The following SV2B variants were observed in gnomAD, a reference collection of about 807,000 sequenced individuals.
SV2B encodes solute carrier family 22 member B2.
In SV2B, 41 loss-of-function variants were observed where a neutral mutation model predicts 73.9. That is an observed-to-expected ratio of 0.56 (90% CI 0.43 to 0.72). The LOEUF (loss-of-function observed/expected upper bound fraction) is 0.72. Ranked by LOEUF, SV2B falls within the 30% of genes least tolerant of loss-of-function variation. The probability of loss-of-function intolerance (pLI) is 0.00; values close to 1 mark genes in which losing one functional copy is unlikely to be tolerated. For synonymous variants in SV2B, 314 were observed against 314.2 expected, an observed-to-expected ratio of 1.00 and a Z score of 0.01; for missense variants, 764 against 857.8, an observed-to-expected ratio of 0.89 and a Z score of 1.37.
chr15:91,276,796 A>G (rs1596766987), intron 9 of SV2B, among the ~76,000 whole-genome samples: 1 of 143,428 alleles, frequency 7.0e-6, no homozygotes, highest in South Asian at 2.2e-4. Context: ...TATTTATATT[A>G]TTGTTGTTGT....
In SV2B at chr15:91,106,516, TC is replaced by T. The variant is rs35671430; in HGVS notation, c.-392+6154del. On this transcript the variant is annotated intron_variant, in intron 1 of 12. Transcript: ENST00000394232. The surrounding 1 kb of genome is among the most constrained non-coding windows in gnomAD (Gnocchi z 4.4). ...TGTAACTCCTTGAAGTTATTTCCTT[TC>T]TTTACAAGGTCTCATGGGAGCCTTA... 0.089 allele frequency among the ~76,000 whole-genome samples: 13,541 copies of T among 152,178 alleles called. 685 individuals are homozygous for T. Among genetic ancestry groups the T allele is most frequent in the East Asian group, 0.18 (916 of 5,170 alleles).
chr15:91,241,900 C>T lies in SV2B; in HGVS notation c.452-9919C>T, dbSNP rs113603506. ...TTTCTATTCCCTTTCCAGTAAAATT[C>T]ACTGAACCCAGTTCCTCACTTTCTG... On this transcript the variant is annotated intron_variant, in intron 2 of 12. Coordinates refer to ENST00000394232, the MANE Select transcript of SV2B (RefSeq NM_001323032.3). The surrounding 1 kb of genome is among the most constrained non-coding windows in gnomAD (Gnocchi z 4.8). Among the ~76,000 whole-genome samples the T allele has an allele frequency of 8.0e-3, 1,214 of 152,338 alleles. 16 individuals carry two copies. The highest frequency in any genetic ancestry group is 0.028 in the African/African-American group (1,180 of 41,576).
intron 1 of SV2B, among the ~76,000 whole-genome samples, chr15:91,192,244 G>T (rs2045065727): frequency 6.6e-6 from 1 of 152,118 alleles, no homozygotes; most frequent in Admixed American, 6.5e-5. Flanking sequence ...TATTTTCAAA[G>T]TGTGTCTTTG....
intron 2 of SV2B, among the ~76,000 whole-genome samples, chr15:91,249,005 T>A (rs1169835786): frequency 1.3e-5 from 2 of 151,500 alleles, no homozygotes; most frequent in East Asian, 3.9e-4. Context: ...CCCATACACA[T>A]ACATGCAAAC....
At chr15:91,161,154 G>C (rs994987506) in intron 1 of SV2B, among the ~76,000 whole-genome samples, 2 of 152,212 alleles carry the variant, frequency 1.3e-5, no homozygotes, top group Non-Finnish European at 2.9e-5. Context: ...AAAGACAGCA[G>C]AAAGTGACTG....
chr15:91,242,985 C>T lies in SV2B; in HGVS notation c.452-8834C>T, dbSNP rs756371922. The stretch of plus-strand genomic sequence containing the variant: ...TTAGGTGGTGGCTGCTCCCTTTAGA[C>T]GGGCATGTATTTCTCAGTCCCCACA... On this transcript the variant is annotated intron_variant, in intron 2 of 12. Transcript: ENST00000394232. This position sits in a 1 kb window ranked among gnomAD's most constrained non-coding sequence, Gnocchi z 4.9. Among the ~76,000 whole-genome samples the T allele has an allele frequency of 9.2e-5, 14 of 152,244 alleles. No homozygotes were observed. Among genetic ancestry groups the T allele is most frequent in the Non-Finnish European group, 1.5e-4 (10 of 68,016 alleles).
Position 91,292,661 on chromosome 15 carries a change from G to A in SV2B, c.*109G>A, listed in dbSNP as rs943632840. 5 of 1,358,838 alleles carry A rather than the reference G, an allele frequency of 3.7e-6. No homozygotes were observed. In the South Asian group the frequency reaches 4.7e-5, roughly 13 times the overall value. The allele number at this position is 1,358,838 out of a possible 1,614,324, so 84.2% of individuals were successfully genotyped here. A position where few individuals can be genotyped will look rare whatever the true frequency, so the allele number is the denominator to read the frequency against. ...GAGGACACCTTGGATAGCACGGGAG[G>A]AGAAGTTGACTTTGTGACCCCTAGT... is the stretch of plus-strand genomic sequence containing the variant. On this transcript the variant is annotated 3_prime_UTR_variant, in exon 13 of 13. Coordinates refer to ENST00000394232, the MANE Select transcript of SV2B (RefSeq NM_001323032.3).
intron 7 of SV2B, 105 bp downstream of exon 7, chr15:91,266,797 G>A (rs1038579363): frequency 3.3e-6 from 3 of 912,300 alleles, no homozygotes; most frequent in African/African-American, 3.4e-5. Flanking sequence ...ACCTGGGCCA[G>A]CGTGATGGAG....
chr15:91,259,000 G>T lies in SV2B; in HGVS notation c.918+446G>T, dbSNP rs1311915591. Among the ~76,000 whole-genome samples, 1 of 151,982 alleles carries T rather than the reference G, an allele frequency of 6.6e-6. No individual in the cohort carries two copies. Among genetic ancestry groups the T allele is most frequent in the Non-Finnish European group, 1.5e-5 (1 of 68,010 alleles). ...GGTCCCATCTACTTGGGAGGCTGAG[G>T]TGGGAGGACTGCTTGGGCCCCAGAG... On this transcript the variant is annotated intron_variant, in intron 5 of 12. Coordinates refer to ENST00000394232, the MANE Select transcript of SV2B (RefSeq NM_001323032.3). The surrounding 1 kb of genome is among the most constrained non-coding windows in gnomAD (Gnocchi z 4.7).
intron 1 of SV2B, among the ~76,000 whole-genome samples, chr15:91,185,021 G>A (rs954707640): frequency 2.0e-5 from 3 of 152,162 alleles, no homozygotes; most frequent in African/African-American, 2.4e-5. Flanking sequence ...TTCTGTCACC[G>A]GAACTTTCTT....
chr15:91,266,846 C>G, intron 7 of SV2B, 154 bp downstream of exon 7: 1 of 563,854 alleles, frequency 1.8e-6, no homozygotes, highest in Non-Finnish European at 3.1e-6. Flanking sequence ...GGCTCCAGCC[C>G]ACGTCTGCCT....
intron 1 of SV2B, among the ~76,000 whole-genome samples, chr15:91,201,023 C>T (rs1374030161): frequency 6.6e-6 from 1 of 152,124 alleles, no homozygotes; most frequent in African/African-American, 2.4e-5. Flanking sequence ...ATAAGATAAC[C>T]ATTTTATGTT....
intron 2 of SV2B, among the ~76,000 whole-genome samples, chr15:91,228,971 G>A (rs2046471969): frequency 6.6e-6 from 1 of 152,220 alleles, no homozygotes; most frequent in Admixed American, 6.5e-5. Flanking sequence ...GATTCAGAGA[G>A]TTTTATCTAA....
intron 2 of SV2B, among the ~76,000 whole-genome samples, chr15:91,247,998 A>G (rs956544627): frequency 6.6e-6 from 1 of 152,168 alleles, no homozygotes; most frequent in South Asian, 2.1e-4. Flanking sequence ...ATAGTCGTAC[A>G]TATTTTGGAG....
chr15:91,190,933 C>G (rs902966567), intron 1 of SV2B, among the ~76,000 whole-genome samples: 1 of 151,722 alleles, frequency 6.6e-6, no homozygotes, highest in African/African-American at 2.4e-5. Flanking sequence ...TGTTCATGAT[C>G]ATTATAGTTT....
chr15:91,165,554 G>T (rs2043884375), intron 1 of SV2B, among the ~76,000 whole-genome samples: 1 of 152,170 alleles, frequency 6.6e-6, no homozygotes, highest in African/African-American at 2.4e-5. Context: ...TTGAGCATCT[G>T]TGGATTTTGG....
intron 12 of SV2B, 117 bp from the exon 13 acceptor site, chr15:91,292,252 T>C (rs969396540): frequency 2.2e-6 from 2 of 929,826 alleles, no homozygotes; most frequent in African/African-American, 1.7e-5. Context: ...TTTTTATATT[T>C]AGGAAAAAAA....
chr15:91,186,652 G>A (rs1036748289), intron 1 of SV2B, among the ~76,000 whole-genome samples: 2 of 152,164 alleles, frequency 1.3e-5, no homozygotes, highest in African/African-American at 4.8e-5. Context: ...ATAAATGGAA[G>A]CTAAATAATG....
chr15:91,134,004 C>CTT (rs10637206), intron 1 of SV2B, among the ~76,000 whole-genome samples: 7 of 106,242 alleles, frequency 6.6e-5, no homozygotes, highest in African/African-American at 2.4e-4. Context: ...TTCTTTCTTC[C>CTT]TTTTTTTTTT....
Sources: allele counts gnomAD v4.1 joint callset (sites outside exome capture counted in the v4.1 genomes callset), GRCh38; gene constraint gnomAD v4.1.1; non-coding constraint Gnocchi (gnomAD v3.1); transcripts MANE v1.5; gene names NCBI Gene and HGNC (gene_info 2026-07-23, HGNC 2026-07-21).